The following SH3RF1 variants were observed in gnomAD, a reference collection of about 807,000 sequenced individuals.
SH3RF1 encodes the protein SH3 domain containing ring finger 1, also known as E3 ubiquitin-protein ligase SH3RF1.
SH3RF1 carries 32 observed loss-of-function variants against 74.0 expected under a neutral mutation model. That is an observed-to-expected ratio of 0.43 (90% confidence interval 0.33 to 0.58). SH3RF1 has a LOEUF of 0.58. SH3RF1 is among the 20% of genes least tolerant of loss of function. The pLI, the probability that SH3RF1 is intolerant of heterozygous loss-of-function variation, is 0.05. For missense variants in SH3RF1, 954 were observed against 1,130.9 expected, an observed-to-expected ratio of 0.84 and a Z score of 2.24; for synonymous variants, 396 against 439.6, an observed-to-expected ratio of 0.90 and a Z score of 1.24.
At chr4:169,149,836 C>A (rs545134117) in intron 4 of SH3RF1, among the ~76,000 whole-genome samples, 2 of 152,148 alleles carry the variant, frequency 1.3e-5, no homozygotes, top group South Asian at 4.2e-4. Flanking sequence ...TATTATTGTG[C>A]CCTTCTGCTA....
chr4:169,253,589 C>T (rs1453857157), intron 2 of SH3RF1, among the ~76,000 whole-genome samples: 1 of 152,192 alleles, frequency 6.6e-6, no homozygotes, highest in Admixed American at 6.5e-5. Flanking sequence ...GTGCATGTTG[C>T]CTCTCATAGG....
intron 10 of SH3RF1, among the ~76,000 whole-genome samples, chr4:169,114,795 T>C (rs2126942140): frequency 6.6e-6 from 1 of 152,376 alleles, no homozygotes; most frequent in South Asian, 2.1e-4. Context: ...CAATTAAATA[T>C]TAACTTTTTA....
In SH3RF1 at chr4:169,155,489, T is replaced by A; in HGVS notation, c.756A>T (p.Ser252=). 1 of 1,610,450 alleles carries A rather than the reference T, an allele frequency of 6.2e-7. No homozygotes were observed. Among genetic ancestry groups the A allele is most frequent in the African/African-American group, 1.3e-5 (1 of 74,936 alleles). Residue 252 remains serine (S), a synonymous_variant, in exon 4 of 12, where the codon TCA becomes TCT. Transcript: ENST00000284637. ...LADKIGIFPI[S]YVEFNSAAKQ... ...CTACAGATTAATTTACCTCAACATA[T>A]GAAATTGGAAATATTCCTATTTTGT...
At chr4:169,207,114 T>C (rs1730276739) in intron 2 of SH3RF1, among the ~76,000 whole-genome samples, 1 of 152,098 alleles carries the variant, frequency 6.6e-6, no homozygotes, top group Admixed American at 6.5e-5. Flanking sequence ...GGTGCTACCA[T>C]GCCTGGCTAA....
chr4:169,176,821 T>A (rs1167850195), intron 2 of SH3RF1, among the ~76,000 whole-genome samples: 1 of 152,236 alleles, frequency 6.6e-6, no homozygotes, highest in Non-Finnish European at 1.5e-5. Flanking sequence ...GATACAGGCA[T>A]GAGCCACTGT....
In SH3RF1 at chr4:169,224,465, G is replaced by A. The variant is rs551997431; in HGVS notation, c.393+44355C>T. Among the ~76,000 whole-genome samples, 27 of 152,100 alleles carry A rather than the reference G, an allele frequency of 1.8e-4. No homozygotes were observed. In the East Asian group the frequency reaches 3.9e-3, roughly 22 times the overall value. ...CCCAAGTAGCTGGGATTACAGGCTC[G>A]CGCCACCATGCCTGGCTAATTTTTG... On this transcript the variant is annotated intron_variant, in intron 2 of 11. Transcript: ENST00000284637.
chr4:169,242,611 T>C (rs1013913156), intron 2 of SH3RF1, among the ~76,000 whole-genome samples: 8 of 152,144 alleles, frequency 5.3e-5, no homozygotes, highest in African/African-American at 1.7e-4. Flanking sequence ...AATTCATGTA[T>C]TGGAAACTTA....
rs371376047 is a variant in SH3RF1 at position 169,240,953 on chromosome 4, G to A, written c.393+27867C>T. On this transcript the variant is annotated intron_variant, in intron 2 of 11. Coordinates refer to ENST00000284637, the MANE Select transcript of SH3RF1 (RefSeq NM_020870.4). ...TTTCCTTTTTAAAACTGCCCAGGCCGGGCGTGGTGGCTCACGTCTGTAATC... is the reference window on the plus strand; with the variant it reads ...TTTCCTTTTTAAAACTGCCCAGGCCAGGCGTGGTGGCTCACGTCTGTAATC... Among the ~76,000 whole-genome samples, 69 of 152,270 alleles carry A rather than the reference G, an allele frequency of 4.5e-4. 2 individuals carry two copies. The South Asian group carries it at 0.012, about 27-fold the overall frequency.
intron 2 of SH3RF1, among the ~76,000 whole-genome samples, chr4:169,211,609 T>C (rs957969393): frequency 6.6e-6 from 1 of 152,182 alleles, no homozygotes; most frequent in Non-Finnish European, 1.5e-5. Flanking sequence ...GGGACGAGTC[T>C]AAACTGTACT....
chr4:169,175,021 C>T (rs903910317), intron 2 of SH3RF1, among the ~76,000 whole-genome samples: 8 of 152,216 alleles, frequency 5.3e-5, no homozygotes, highest in East Asian at 1.9e-4. Context: ...ATCTGATCCT[C>T]TACCAGTTTT....
At chr4:169,135,174 AAAAC>A (rs143567645) in intron 5 of SH3RF1, among the ~76,000 whole-genome samples, 9 of 150,718 alleles carry the variant, frequency 6.0e-5, no homozygotes, top group Non-Finnish European at 1.2e-4. Flanking sequence ...ATCTCTATTA[AAAAC>A]AAACAAACAA....
intron 10 of SH3RF1, 69 bp from the exon 11 acceptor site, chr4:169,107,274 C>A: frequency 1.5e-6 from 2 of 1,367,470 alleles, no homozygotes; most frequent in South Asian, 3.1e-5. Flanking sequence ...TCTAAAGGGC[C>A]CTATAGTTCA....
At chr4:169,208,223 C>T (rs1730293837) in intron 2 of SH3RF1, among the ~76,000 whole-genome samples, 2 of 151,804 alleles carry the variant, frequency 1.3e-5, no homozygotes, top group South Asian at 4.1e-4. Context: ...CACTGCCTGA[C>T]CCCAAGTAAT....
At chr4:169,228,051 G>A (rs977322080) in intron 2 of SH3RF1, among the ~76,000 whole-genome samples, 1 of 152,104 alleles carries the variant, frequency 6.6e-6, no homozygotes, top group Non-Finnish European at 1.5e-5. Context: ...TTTTGTTCAC[G>A]TAGTTACCTC....
intron 4 of SH3RF1, among the ~76,000 whole-genome samples, chr4:169,148,525 C>A (rs1312356184): frequency 2.0e-5 from 3 of 152,124 alleles, no homozygotes; most frequent in Admixed American, 2.0e-4. Flanking sequence ...TTATTCATTT[C>A]CTTTCCAAAC....
intron 8 of SH3RF1, among the ~76,000 whole-genome samples, chr4:169,118,603 G>A (rs1009465503): frequency 1.3e-5 from 2 of 151,858 alleles, no homozygotes; most frequent in Admixed American, 6.6e-5. Context: ...GTACAGGCAC[G>A]CGCCACCATG....
chr4:169,255,576 C>T (rs1188165805), intron 2 of SH3RF1, among the ~76,000 whole-genome samples: 1 of 149,856 alleles, frequency 6.7e-6, no homozygotes, highest in African/African-American at 2.4e-5. Context: ...TAAAACACTA[C>T]ACACATGTGC....
At chr4:169,213,214 G>C (rs1730409400) in intron 2 of SH3RF1, among the ~76,000 whole-genome samples, 1 of 152,166 alleles carries the variant, frequency 6.6e-6, no homozygotes, top group Admixed American at 6.5e-5. Flanking sequence ...TCAGTGTTCT[G>C]GATTTCTGTC....
In SH3RF1 at chr4:169,148,281, T is replaced by G. The variant is rs17054771; in HGVS notation, c.765+7199A>C. ...ACTGCAGAGTGGAGGCCACGATTCC[T>G]TTCTCGATTCCTGGCTCTGTGTCCC... On this transcript the variant is annotated intron_variant, in intron 4 of 11. Coordinates refer to ENST00000284637, the MANE Select transcript of SH3RF1 (RefSeq NM_020870.4). Among the ~76,000 whole-genome samples the G allele has an allele frequency of 7.9e-3, 1,204 of 152,320 alleles. 28 individuals carry two copies. The highest frequency in any genetic ancestry group is 0.028 in the African/African-American group (1,144 of 41,562).
Sources: allele counts gnomAD v4.1 joint callset (sites outside exome capture counted in the v4.1 genomes callset), GRCh38; gene constraint gnomAD v4.1.1; transcripts MANE v1.5; gene names NCBI Gene and HGNC (gene_info 2026-07-23, HGNC 2026-07-21).